Variants in OTUD4 observed in about 807,000 individuals in gnomAD.
OTUD4 encodes OTU deubiquitinase 4.
OTUD4 carries 24 observed loss-of-function variants against 130.4 expected under a neutral mutation model. The ratio of observed to expected loss-of-function variants is 0.18; its 90% CI spans 0.13 to 0.26. The LOEUF (loss-of-function observed/expected upper bound fraction) is 0.26, where lower values mean the gene tolerates loss of function less well. Among genes scored for constraint, OTUD4 ranks in the 10% least tolerant of loss-of-function variants. The probability of loss-of-function intolerance (pLI) is 1.00; values close to 1 mark genes in which losing one functional copy is unlikely to be tolerated. For synonymous variants in OTUD4, 420 were observed against 472.5 expected (o/e 0.89, Z 1.44); for missense variants, 1,031 against 1,329.4 (o/e 0.78, Z 3.49).
intron 18 of OTUD4, among the ~76,000 whole-genome samples, chr4:145,141,905 C>T (rs532916050): frequency 7.9e-5 from 12 of 152,248 alleles, no homozygotes; most frequent in African/African-American, 2.6e-4. Flanking sequence ...CCATAAAGAG[C>T]TGGCCCATGA....
intron 3 of OTUD4, among the ~76,000 whole-genome samples, chr4:145,168,730 C>T (rs1329367462): frequency 2.0e-5 from 3 of 152,150 alleles, no homozygotes; most frequent in Non-Finnish European, 2.9e-5. Context: ...ATGGTACAGT[C>T]ACTTCAAAAA....
intron 6 of OTUD4, among the ~76,000 whole-genome samples, chr4:145,160,407 A>G (rs1472365631): frequency 6.6e-6 from 1 of 152,260 alleles, no homozygotes; most frequent in Non-Finnish European, 1.5e-5. Context: ...TTAAAACTCC[A>G]GTCTTGAATA....
intron 3 of OTUD4, among the ~76,000 whole-genome samples, chr4:145,167,866 A>ATC (rs1206858365): frequency 1.3e-5 from 2 of 152,156 alleles, no homozygotes; most frequent in African/African-American, 4.8e-5. Context: ...CTCTAAAAAA[A>ATC]ATTAAAAATG....
intron 6 of OTUD4, among the ~76,000 whole-genome samples, chr4:145,162,132 C>CGAGAT (rs1751602939): frequency 2.0e-5 from 3 of 152,134 alleles, no homozygotes; most frequent in Non-Finnish European, 1.5e-5. Flanking sequence ...GCCACCATGC[C>CGAGAT]CAGCTACCTT....
chr4:145,169,642 G>A (rs533549399), intron 3 of OTUD4, among the ~76,000 whole-genome samples: 52 of 152,144 alleles, frequency 3.4e-4, no homozygotes, highest in African/African-American at 1.2e-3. Context: ...ACACCACCAC[G>A]CCTGGCTAAT....
intron 1 of OTUD4, chr4:145,179,536 A>G: frequency 9.1e-7 from 1 of 1,093,332 alleles, no homozygotes; most frequent in East Asian, 4.4e-5. Flanking sequence ...AATCAACTGT[A>G]CAAGCTCCGA....
At chr4:145,159,951 A>C (rs1442571965) in intron 6 of OTUD4, among the ~76,000 whole-genome samples, 1 of 152,242 alleles carries the variant, frequency 6.6e-6, no homozygotes, top group East Asian at 1.9e-4. Context: ...ACACACACTG[A>C]GCAATTATTA....
In OTUD4 at chr4:145,134,759, A is replaced by G; in HGVS notation, c.*2671T>C. The G allele has an allele frequency of 2.5e-6, 1 of 399,016 alleles. No individual in the cohort carries two copies. Among genetic ancestry groups the G allele is most frequent in the East Asian group, 3.6e-5 (1 of 28,076 alleles). 24.7% of individuals were successfully genotyped at this position (399,016 alleles called of 1,614,324 possible). A position where few individuals can be genotyped will look rare whatever the true frequency, so the allele number is the denominator to read the frequency against. On this transcript the variant is annotated 3_prime_UTR_variant, in exon 21 of 21. Coordinates refer to ENST00000447906, the MANE Select transcript of OTUD4 (RefSeq NM_001366057.1). ...GGCAAGAGTTGAAGATTTGAGAGGA[A>G]ATGAAGAGACATACACAACACCAAA...
At chr4:145,159,883 C>G (rs1009261130) in intron 6 of OTUD4, among the ~76,000 whole-genome samples, 5 of 152,130 alleles carry the variant, frequency 3.3e-5, no homozygotes, top group Non-Finnish European at 7.4e-5. Flanking sequence ...AAAACTAACA[C>G]CATCACAAAA....
At chr4:145,170,131 G>A (rs1445226338) in intron 3 of OTUD4, among the ~76,000 whole-genome samples, 1 of 152,200 alleles carries the variant, frequency 6.6e-6, no homozygotes, top group African/African-American at 2.4e-5. Context: ...TAGGCCCCAG[G>A]CCCAGAGGCC....
chr4:145,137,312 G>T lies in OTUD4; in HGVS notation c.*118C>A, dbSNP rs1010791811. 8.6e-6 allele frequency: 7 copies of T among 811,398 alleles called. No homozygotes were observed. The highest frequency in any genetic ancestry group is 1.4e-5 in the Non-Finnish European group (7 of 504,604). 50.3% of individuals were successfully genotyped at this position (811,398 alleles called of 1,614,324 possible). On this transcript the variant is annotated 3_prime_UTR_variant, in exon 21 of 21. Transcript: ENST00000447906. ...TGTCCAGTATGGGAGTGAAGGTAAG[G>T]GGGGCTGGGGAGAGGAAAGAGTTCC...
Position 145,142,216 on chromosome 4 carries a change from G to A in OTUD4, c.1802C>T (p.Pro601Leu), listed in dbSNP as rs762078066. 8 of 1,613,936 alleles carry A rather than the reference G, an allele frequency of 5.0e-6. No homozygotes were observed. In the South Asian group the frequency reaches 8.8e-5, roughly 18 times the overall value. ...CTAACCTGTTGGTCCAAAAGTTGTAGGTTCACTTGGCCAGGCTGGCACAGT... is the reference window on the plus strand; with the variant it reads ...CTAACCTGTTGGTCCAAAAGTTGTAAGTTCACTTGGCCAGGCTGGCACAGT... ...PATVPAWPSEPTTFGPTGVPA... is the reference protein window; with the variant it reads ...PATVPAWPSELTTFGPTGVPA... Residue 601 changes from proline (P) to leucine (L), a missense_variant, in exon 18 of 21, where the codon CCT becomes CTT. Pro to Leu is a moderately conservative substitution (Grantham distance 98). This residue lies in a region of OTUD4 where 900 missense variants were observed against 1,095.9 expected (regional missense o/e 0.82). Coordinates refer to ENST00000447906, the MANE Select transcript of OTUD4 (RefSeq NM_001366057.1).
rs761202071 is a variant in OTUD4 at position 145,137,892 on chromosome 4, A to G, written c.2883T>C (p.Ala961=). ...ASIPPVAEGK[A]HPPTQILNRE... ...TGTTTAGAATCTGAGTGGGAGGATG[A>G]GCCTTTCCCTCTGCTACAGGAGGGA... The change falls in exon 21 of 21, where the codon GCT becomes GCC. Residue 961 remains alanine, a synonymous_variant. Transcript: ENST00000447906. 6.2e-7 allele frequency: 1 copy of G among 1,614,090 alleles called. No individual in the cohort carries two copies. Among genetic ancestry groups the G allele is most frequent in the Non-Finnish European group, 8.5e-7 (1 of 1,180,008 alleles).
At chr4:145,179,544 C>T (rs537707677) in intron 1 of OTUD4, 2 of 1,162,732 alleles carry the variant, frequency 1.7e-6, no homozygotes, top group African/African-American at 1.6e-5. Context: ...GTACAAGCTC[C>T]GAGCAGGCCT....
intron 1 of OTUD4, chr4:145,178,521 C>CA (rs1342420171): frequency 6.6e-6 from 1 of 152,184 alleles, no homozygotes; most frequent in Non-Finnish European, 1.5e-5. Flanking sequence ...TACCTACTAA[C>CA]AATAAGGACC....
In OTUD4 at chr4:145,171,691, T is replaced by C. The variant is rs1166725145; in HGVS notation, c.273A>G (p.Leu91=). 1.5e-6 allele frequency: 2 copies of C among 1,367,766 alleles called. No homozygotes were observed. The highest frequency in any genetic ancestry group is 1.0e-6 in the Non-Finnish European group (1 of 957,890). The allele number at this position is 1,367,766 out of a possible 1,614,324, so 84.7% of individuals were successfully genotyped here. A position where few individuals can be genotyped will look rare whatever the true frequency, so the allele number is the denominator to read the frequency against. ...ATACCTGTGGATTTTCCAAACGCTT[T>C]AAATATTCTTCAAATGATCCTTCTA... ...AFIEGSFEEY[L]KRLENPQEWV... Residue 91 remains leucine, a synonymous_variant, in exon 3 of 21, where the codon TTA becomes TTG. Transcript: ENST00000447906.
At chr4:145,160,905 TTTAAGA>T in intron 6 of OTUD4, among the ~76,000 whole-genome samples, 1 of 151,872 alleles carries the variant, frequency 6.6e-6, no homozygotes, top group East Asian at 1.9e-4. Context: ...AGGTCAGGGG[TTTAAGA>T]CCAGCCTGGT....
At chr4:145,155,891 CTTATA>C (rs776266434) in intron 8 of OTUD4, 40 bp downstream of exon 8, 17 of 1,438,508 alleles carry the variant, frequency 1.2e-5, no homozygotes, top group Non-Finnish European at 1.5e-5. Flanking sequence ...TACATGCTTT[CTTATA>C]TTAAAGAACT....
intron 17 of OTUD4, among the ~76,000 whole-genome samples, chr4:145,142,780 T>C (rs975987780): frequency 2.2e-4 from 34 of 152,274 alleles, no homozygotes; most frequent in African/African-American, 7.2e-4. Flanking sequence ...AAACTCCTCA[T>C]GTAACTATAT....
Sources: gnomAD v4.1 joint callset for allele counts (sites outside exome capture counted in the v4.1 genomes callset) on GRCh38, gnomAD v4.1.1 for gene constraint, gnomAD v4.1.1 regional missense constraint, MANE v1.5 for transcripts, NCBI Gene and HGNC (gene_info 2026-07-23, HGNC 2026-07-21) for gene names.